The following LEKR1 variants were observed in gnomAD, a reference collection of about 807,000 sequenced individuals.
The protein encoded by LEKR1 is protein LEKR1.
A neutral mutation model predicts 72.4 loss-of-function variants in LEKR1; 59 were observed. The ratio of observed to expected loss-of-function variants is 0.82; its 90% CI spans 0.66 to 1.01. LEKR1 has a LOEUF of 1.01. LEKR1 is among the 50% of genes least tolerant of loss of function. The pLI, the probability that LEKR1 is intolerant of heterozygous loss-of-function variation, is 0.00. For synonymous variants in LEKR1, 257 were observed against 263.2 expected, an observed-to-expected ratio of 0.98 and a Z score of 0.23; for missense variants, 728 against 759.2, an observed-to-expected ratio of 0.96 and a Z score of 0.48.
intron 3 of LEKR1, among the ~76,000 whole-genome samples, chr3:156,912,104 G>A (rs1220626945): frequency 6.6e-6 from 1 of 151,428 alleles, no homozygotes; most frequent in Admixed American, 6.6e-5. Flanking sequence ...ATTTTCTCTG[G>A]AGCCTAGAGT....
In LEKR1 at chr3:156,899,499, TATAC is replaced by T. The variant is rs1560064037; in HGVS notation, c.264-21073_264-21070del. Among the ~76,000 whole-genome samples, 31 of 123,742 alleles carry T rather than the reference TATAC, an allele frequency of 2.5e-4. No homozygotes were observed. In the South Asian group the frequency reaches 7.2e-3, roughly 29 times the overall value. 81.2% of individuals were successfully genotyped at this position (123,742 alleles called of 152,430 possible). ...ATACATACATACATATATACACATA[TATAC>T]ATGTATATATACATACATACATATA... On this transcript the variant is annotated intron_variant, in intron 3 of 12. Transcript: ENST00000356539.
chr3:156,950,123 A>C (rs1425460734), intron 6 of LEKR1, among the ~76,000 whole-genome samples: 1 of 151,262 alleles, frequency 6.6e-6, no homozygotes, highest in Non-Finnish European at 1.5e-5. Context: ...CATTTCACCC[A>C]AGATTTCAAA....
intron 6 of LEKR1, among the ~76,000 whole-genome samples, chr3:156,951,870 G>A (rs780247387): frequency 2.6e-5 from 4 of 151,216 alleles, no homozygotes; most frequent in African/African-American, 7.3e-5. Context: ...CTCTGATTTT[G>A]GTTATTTCTT....
intron 3 of LEKR1, among the ~76,000 whole-genome samples, chr3:156,899,497 TATATACATGTATATATACATAC>T (rs1721666024): frequency 8.5e-6 from 1 of 117,210 alleles, no homozygotes; most frequent in African/African-American, 3.3e-5. Context: ...TATATACACA[TATATACATGTATATATACATAC>T]ATACATATAT....
At chr3:157,013,472 T>C (rs1733065971) in intron 10 of LEKR1, among the ~76,000 whole-genome samples, 1 of 152,172 alleles carries the variant, frequency 6.6e-6, no homozygotes, top group South Asian at 2.1e-4. Flanking sequence ...AATTTGGTGG[T>C]AAAAATGATT....
At chr3:156,879,748 G>A (rs1021013434) in intron 3 of LEKR1, among the ~76,000 whole-genome samples, 1 of 152,176 alleles carries the variant, frequency 6.6e-6, no homozygotes, top group Non-Finnish European at 1.5e-5. Context: ...CTAGGTACTT[G>A]GTGCCCTGTG....
chr3:156,980,747 A>G (rs1730124188), intron 7 of LEKR1, among the ~76,000 whole-genome samples: 1 of 152,190 alleles, frequency 6.6e-6, no homozygotes, highest in Non-Finnish European at 1.5e-5. Flanking sequence ...AACTAAGCTA[A>G]GAGGGAATTT....
At chr3:157,022,766 CT>C (rs994612743) in intron 10 of LEKR1, among the ~76,000 whole-genome samples, 6 of 152,150 alleles carry the variant, frequency 3.9e-5, no homozygotes, top group East Asian at 1.9e-4. Flanking sequence ...TGAGTGCCCC[CT>C]GAGACTTCCT....
At chr3:156,858,160 C>G (rs1716300491) in intron 3 of LEKR1, among the ~76,000 whole-genome samples, 1 of 151,982 alleles carries the variant, frequency 6.6e-6, no homozygotes, top group African/African-American at 2.4e-5. Flanking sequence ...TATAGAGTAT[C>G]CTCTTATTTA....
intron 4 of LEKR1, among the ~76,000 whole-genome samples, chr3:156,922,013 AT>A (rs1366888831): frequency 2.6e-5 from 4 of 152,020 alleles, no homozygotes; most frequent in African/African-American, 9.7e-5. Context: ...TAGATCTGTG[AT>A]TTTTGCTCAT....
intron 3 of LEKR1, among the ~76,000 whole-genome samples, chr3:156,879,259 T>A (rs1718989715): frequency 6.6e-6 from 1 of 152,196 alleles, no homozygotes; most frequent in Admixed American, 6.5e-5. Flanking sequence ...TGAGGTGGTC[T>A]CAGATGGGGA....
At chr3:157,042,781 A>C (rs1735448737) in intron 12 of LEKR1, among the ~76,000 whole-genome samples, 1 of 152,058 alleles carries the variant, frequency 6.6e-6, no homozygotes, top group Non-Finnish European at 1.5e-5. Flanking sequence ...TGTTGGCCTC[A>C]TTTTTCATTG....
intron 3 of LEKR1, among the ~76,000 whole-genome samples, chr3:156,894,897 A>G (rs1721018073): frequency 6.6e-6 from 1 of 152,210 alleles, no homozygotes; most frequent in Non-Finnish European, 1.5e-5. Context: ...TTAACTGAAA[A>G]TGAATTAAAG....
chr3:156,936,888 A>T (rs188048396), intron 5 of LEKR1, among the ~76,000 whole-genome samples: 84 of 152,214 alleles, frequency 5.5e-4, no homozygotes, highest in Non-Finnish European at 9.7e-4. Context: ...AGGGAAAAAA[A>T]TCTTTGGGGC....
intron 4 of LEKR1, among the ~76,000 whole-genome samples, chr3:156,925,703 A>C (rs1724652483): frequency 6.6e-6 from 1 of 152,016 alleles, no homozygotes; most frequent in Non-Finnish European, 1.5e-5. Context: ...ATTTGGTTAA[A>C]AATTCTCTTT....
intron 9 of LEKR1, among the ~76,000 whole-genome samples, chr3:156,999,062 G>T (rs1304738139): frequency 6.6e-5 from 10 of 152,014 alleles, no homozygotes; most frequent in African/African-American, 2.4e-4. Context: ...TTCCCCCTTT[G>T]CCCGGCACTC....
chr3:156,899,506 GTATATATACATACATA>G, intron 3 of LEKR1, among the ~76,000 whole-genome samples: 1 of 73,674 alleles, frequency 1.4e-5, no homozygotes, highest in South Asian at 4.4e-4. Flanking sequence ...ATATATACAT[GTATATATACATACATA>G]CATATATACA....
Position 157,023,061 on chromosome 3 carries a change from T to C in LEKR1, c.1204-1699T>C, listed in dbSNP as rs376513984. Among the ~76,000 whole-genome samples, 24 of 152,250 alleles carry C rather than the reference T, an allele frequency of 1.6e-4. No homozygotes were observed. In the South Asian group the frequency reaches 3.9e-3, roughly 25 times the overall value. ...GGGCTTCCTTTAACTTTCTTAGCAA[T>C]ATTTGTGTCCTTGTACCCTGGCTTC... On this transcript the variant is annotated intron_variant, in intron 10 of 12. Coordinates refer to ENST00000356539, the MANE Select transcript of LEKR1 (RefSeq NM_001004316.3).
At chr3:156,833,378 A>T (rs1041163403) in intron 2 of LEKR1, among the ~76,000 whole-genome samples, 9 of 152,196 alleles carry the variant, frequency 5.9e-5, no homozygotes, top group African/African-American at 2.2e-4. Context: ...GGATCAAAGT[A>T]AAAATAACTG....
Sources: gnomAD v4.1 joint callset for allele counts (sites outside exome capture counted in the v4.1 genomes callset) on GRCh38, gnomAD v4.1.1 for gene constraint, MANE v1.5 for transcripts, NCBI Gene and HGNC (gene_info 2026-07-23, HGNC 2026-07-21) for gene names.